Variants in TMEM132B observed in about 807,000 individuals in gnomAD.
The protein encoded by TMEM132B is transmembrane protein 132B.
A neutral mutation model predicts 90.8 loss-of-function variants in TMEM132B; 18 were observed. That is an observed-to-expected ratio of 0.20 (90% confidence interval 0.14 to 0.29). TMEM132B has a LOEUF of 0.29. Among genes scored for constraint, TMEM132B ranks in the 10% least tolerant of loss-of-function variants. The probability of loss-of-function intolerance (pLI) is 1.00; values close to 1 mark genes in which losing one functional copy is unlikely to be tolerated. For synonymous variants in TMEM132B, 504 were observed against 523.3 expected (o/e 0.96, Z 0.50); for missense variants, 1,096 against 1,326.8 (o/e 0.83, Z 2.70).
At chr12:125,193,276 C>G (rs1321432929) in intron 1 of TMEM132B, among the ~76,000 whole-genome samples, 11 of 152,166 alleles carry the variant, frequency 7.2e-5, no homozygotes, top group Non-Finnish European at 1.5e-4. Flanking sequence ...GGGACTGACT[C>G]AAGATAAGTC....
At chr12:125,304,493 G>A (rs868744181) in intron 1 of TMEM132B, among the ~76,000 whole-genome samples, 1 of 152,066 alleles carries the variant, frequency 6.6e-6, no homozygotes, top group Non-Finnish European at 1.5e-5. Context: ...ACCCTTGAAA[G>A]ATCATGAAGA....
chr12:125,269,061 T>C (rs1476728275), intron 1 of TMEM132B, among the ~76,000 whole-genome samples: 3 of 152,274 alleles, frequency 2.0e-5, no homozygotes, highest in Admixed American at 6.5e-5. Flanking sequence ...GCTGCTGTTT[T>C]TCTTGGCCTC....
At chr12:125,567,679 T>C (rs550094638) in intron 4 of TMEM132B, among the ~76,000 whole-genome samples, 1 of 152,344 alleles carries the variant, frequency 6.6e-6, no homozygotes, top group African/African-American at 2.4e-5. Context: ...CGTAATGCCA[T>C]CCACTCAGTT....
intron 1 of TMEM132B, among the ~76,000 whole-genome samples, chr12:125,306,343 T>A (rs78827290): frequency 4.4e-4 from 67 of 152,314 alleles, no homozygotes; most frequent in African/African-American, 1.6e-3. Flanking sequence ...GCTTATTCAA[T>A]CTATCTCCAG....
chr12:125,533,945 C>G (rs1883722149), intron 4 of TMEM132B, among the ~76,000 whole-genome samples: 1 of 152,164 alleles, frequency 6.6e-6, no homozygotes, highest in African/African-American at 2.4e-5. Flanking sequence ...AATCTCAGCA[C>G]CCCCGATAGA....
chr12:125,290,319 CA>C (rs1202313548), intron 1 of TMEM132B, among the ~76,000 whole-genome samples: 1 of 152,106 alleles, frequency 6.6e-6, no homozygotes, highest in Non-Finnish European at 1.5e-5. Flanking sequence ...TCCAGGCATG[CA>C]AAGAGGCACA....
At chr12:125,326,607 T>A (rs764697099) in intron 1 of TMEM132B, 1 of 1,603,462 alleles carries the variant, frequency 6.2e-7, no homozygotes, top group South Asian at 1.1e-5. Context: ...TCGCCTCAGC[T>A]CCAGACTCTA....
Position 125,201,436 on chromosome 12 carries a change from CG to C in TMEM132B, c.67+14571del, listed in dbSNP as rs1419512466. ...TCCTCTTACTCCCTTTCTTTCTTCACGAAAGATTTAAATAAGTGTTTGGGTG... is the reference window on the plus strand; with the variant it reads ...TCCTCTTACTCCCTTTCTTTCTTCACAAAGATTTAAATAAGTGTTTGGGTG... On this transcript the variant is annotated intron_variant, in intron 1 of 8. Coordinates refer to ENST00000682704, the MANE Select transcript of TMEM132B (RefSeq NM_001366854.1). 3.3e-5 allele frequency among the ~76,000 whole-genome samples: 5 copies of C among 152,248 alleles called. 1 individual carries two copies. Among genetic ancestry groups the C allele is most frequent in the Non-Finnish European group, 7.3e-5 (5 of 68,050 alleles).
intron 2 of TMEM132B, among the ~76,000 whole-genome samples, chr12:125,399,455 GGA>G (rs1879248985): frequency 6.8e-6 from 1 of 147,330 alleles, no homozygotes. Flanking sequence ...ATGTGAAGAA[GGA>G]AGTGTGTGTG....
chr12:125,542,237 A>G (rs1355735561), intron 4 of TMEM132B, among the ~76,000 whole-genome samples: 4 of 152,160 alleles, frequency 2.6e-5, no homozygotes, highest in African/African-American at 9.7e-5. Context: ...CTGCTCAACA[A>G]TGTCTTTCTT....
At chr12:125,467,106 TCTC>T (rs1366005292) in intron 3 of TMEM132B, among the ~76,000 whole-genome samples, 3 of 152,102 alleles carry the variant, frequency 2.0e-5, no homozygotes, top group Non-Finnish European at 4.4e-5. Context: ...GAGAAGAACT[TCTC>T]CTTCTTTCCC....
intron 2 of TMEM132B, among the ~76,000 whole-genome samples, chr12:125,355,613 C>T (rs12310384): frequency 5.3e-5 from 8 of 152,112 alleles, no homozygotes; most frequent in Non-Finnish European, 8.8e-5. Flanking sequence ...TTCAGTCTCT[C>T]GAAATAAGAT....
intron 5 of TMEM132B, among the ~76,000 whole-genome samples, chr12:125,602,410 G>A (rs1454345974): frequency 6.6e-6 from 1 of 152,056 alleles, no homozygotes; most frequent in African/African-American, 2.4e-5. Context: ...ATAAAACTCA[G>A]CACTCCTTCG....
At chr12:125,224,149 C>A in intron 1 of TMEM132B, among the ~76,000 whole-genome samples, 1 of 152,288 alleles carries the variant, frequency 6.6e-6, no homozygotes, top group South Asian at 2.1e-4. Flanking sequence ...GATAATATTT[C>A]ATTGTATGGA....
chr12:125,353,351 A>G (rs766885013), intron 2 of TMEM132B, among the ~76,000 whole-genome samples: 1 of 152,204 alleles, frequency 6.6e-6, no homozygotes, highest in Non-Finnish European at 1.5e-5. Flanking sequence ...GTTGGCACAT[A>G]AGACTAAACT....
rs536883579 is a variant in TMEM132B, at chr12:125,496,619, C to T, written c.1107-22820C>T. 5.9e-5 allele frequency among the ~76,000 whole-genome samples: 9 copies of T among 152,242 alleles called. No homozygotes were observed. The East Asian group carries it at 1.7e-3, about 30-fold the overall frequency. On this transcript the variant is annotated intron_variant, in intron 3 of 8. Coordinates refer to ENST00000682704, the MANE Select transcript of TMEM132B (RefSeq NM_001366854.1). ...GGCAACCCAGGAGGCAAATGCGGTG[C>T]ATTGGCTAGACCTAGGGCTTGATGT...
intron 2 of TMEM132B, among the ~76,000 whole-genome samples, chr12:125,414,396 T>C (rs758868298): frequency 6.6e-6 from 1 of 152,206 alleles, no homozygotes; most frequent in Non-Finnish European, 1.5e-5. Flanking sequence ...CATCAATCTT[T>C]TCTTGGTGGT....
At chr12:125,531,777 A>T (rs1438592067) in intron 4 of TMEM132B, among the ~76,000 whole-genome samples, 1 of 152,252 alleles carries the variant, frequency 6.6e-6, no homozygotes, top group African/African-American at 2.4e-5. Flanking sequence ...TTAAATTGTC[A>T]AGGAGAATGC....
chr12:125,462,976 T>A (rs1881478889), intron 3 of TMEM132B, among the ~76,000 whole-genome samples: 1 of 152,214 alleles, frequency 6.6e-6, no homozygotes, highest in African/African-American at 2.4e-5. Flanking sequence ...GAATGGAGGT[T>A]TCCTCTAGAA....
Sources: allele counts gnomAD v4.1 joint callset (sites outside exome capture counted in the v4.1 genomes callset), GRCh38; gene constraint gnomAD v4.1.1; transcripts MANE v1.5; gene names NCBI Gene and HGNC (gene_info 2026-07-23, HGNC 2026-07-21).